The following LIMCH1 variants were observed in gnomAD, a reference collection of about 807,000 sequenced individuals.
LIMCH1 encodes LIM and calponin homology domains-containing protein 1.
In LIMCH1, 113 loss-of-function variants were observed where a neutral mutation model predicts 176.5. The ratio of observed to expected loss-of-function variants is 0.64; its 90% CI spans 0.55 to 0.75. LIMCH1 has a LOEUF of 0.75. Ranked by LOEUF, LIMCH1 falls within the 30% of genes least tolerant of loss-of-function variation. The probability of loss-of-function intolerance (pLI) is 0.00; values close to 1 mark genes in which losing one functional copy is unlikely to be tolerated. For synonymous variants in LIMCH1, 619 were observed against 645.9 expected (o/e 0.96, Z 0.63); for missense variants, 1,674 against 1,814.9 (o/e 0.92, Z 1.41).
intron 1 of LIMCH1, among the ~76,000 whole-genome samples, chr4:41,410,760 G>A (rs983445805): frequency 9.9e-5 from 15 of 152,154 alleles, no homozygotes; most frequent in Admixed American, 1.3e-4. Flanking sequence ...CTACATGCTG[G>A]TTCATTAGCC....
intron 2 of LIMCH1, among the ~76,000 whole-genome samples, chr4:41,602,124 CAAAAAAAAAAA>C (rs540240960): frequency 0.54 from 39,408 of 73,352 alleles, 8,842 homozygotes; most frequent in African/African-American, 0.69. Context: ...TTGAGTAGAC[CAAAAAAAAAAA>C]AAAAAAAAAA....
At chr4:41,425,580 C>T (rs913303416) in intron 1 of LIMCH1, among the ~76,000 whole-genome samples, 6 of 152,198 alleles carry the variant, frequency 3.9e-5, no homozygotes, top group East Asian at 1.9e-4. Context: ...CTCCTGACCT[C>T]GGGTTATCTG....
intron 1 of LIMCH1, among the ~76,000 whole-genome samples, chr4:41,444,313 T>TACACACAC (rs71198657): frequency 7.5e-6 from 1 of 134,180 alleles, no homozygotes; most frequent in East Asian, 2.2e-4. Context: ...TGTATATATA[T>TACACACAC]ACACACACAC....
chr4:41,656,711 A>G (rs1251240809), intron 18 of LIMCH1, among the ~76,000 whole-genome samples: 1 of 152,040 alleles, frequency 6.6e-6, no homozygotes, highest in Admixed American at 6.5e-5. Context: ...AAATAGACTG[A>G]TTTTCCAGGC....
intron 1 of LIMCH1, among the ~76,000 whole-genome samples, chr4:41,402,038 T>A (rs1410253692): frequency 6.6e-6 from 1 of 152,192 alleles, no homozygotes; most frequent in African/African-American, 2.4e-5. Flanking sequence ...TTCCCCTGCC[T>A]AATTGCCCTG....
At chr4:41,365,760 A>G (rs926335933) in intron 1 of LIMCH1, among the ~76,000 whole-genome samples, 2 of 152,246 alleles carry the variant, frequency 1.3e-5, no homozygotes, top group African/African-American at 2.4e-5. Flanking sequence ...AAGAGCAGCT[A>G]TGACACAATG....
intron 1 of LIMCH1, among the ~76,000 whole-genome samples, chr4:41,579,049 ATTT>A (rs11285726): frequency 6.9e-6 from 1 of 144,876 alleles, no homozygotes; most frequent in African/African-American, 2.5e-5. Flanking sequence ...AAAATGTGTG[ATTT>A]TTTTTTTTTT....
At chr4:41,580,371 A>T (rs370080605) in intron 1 of LIMCH1, among the ~76,000 whole-genome samples, 2 of 152,176 alleles carry the variant, frequency 1.3e-5, no homozygotes, top group African/African-American at 4.8e-5. Flanking sequence ...TAATAACAAG[A>T]AGGCAATTTA....
At chr4:41,495,939 C>G (rs2072044009) in intron 2 of LIMCH1, among the ~76,000 whole-genome samples, 2 of 152,168 alleles carry the variant, frequency 1.3e-5, no homozygotes, top group Admixed American at 1.3e-4. Context: ...TCGTGTATCC[C>G]TCACCACCTC....
intron 31 of LIMCH1, chr4:41,693,099 A>C (rs1727559658): frequency 6.6e-6 from 1 of 152,242 alleles, no homozygotes; most frequent in South Asian, 2.1e-4. Flanking sequence ...GAAAATGGCC[A>C]GTGGCTTGCC....
chr4:41,544,850 T>C (rs117141637), intron 1 of LIMCH1, among the ~76,000 whole-genome samples: 1 of 152,362 alleles, frequency 6.6e-6, no homozygotes, highest in East Asian at 1.9e-4. Flanking sequence ...CAAGATTCAC[T>C]GTCATGGGTT....
At chr4:41,361,684 C>T (rs932251296) in intron 1 of LIMCH1, among the ~76,000 whole-genome samples, 1 of 152,216 alleles carries the variant, frequency 6.6e-6, no homozygotes, top group African/African-American at 2.4e-5. Flanking sequence ...ATCACTGGAG[C>T]TCTCGGCTCT....
intron 21 of LIMCH1, among the ~76,000 whole-genome samples, chr4:41,667,732 G>A (rs1391510349): frequency 2.0e-5 from 3 of 152,162 alleles, no homozygotes; most frequent in African/African-American, 7.2e-5. Flanking sequence ...AGGGCCCTGA[G>A]GGATGTGAAC....
intron 1 of LIMCH1, among the ~76,000 whole-genome samples, chr4:41,382,807 T>C (rs2055893117): frequency 6.6e-6 from 1 of 152,222 alleles, no homozygotes; most frequent in African/African-American, 2.4e-5. Context: ...CATTGTTTTT[T>C]TGATACAGAG....
intron 23 of LIMCH1, among the ~76,000 whole-genome samples, chr4:41,678,635 A>G (rs965966818): frequency 9.2e-5 from 14 of 152,052 alleles, no homozygotes; most frequent in African/African-American, 3.4e-4. Flanking sequence ...AGGCCTTTGT[A>G]TTGCTCCTGT....
chr4:41,438,737 G>C (rs1362110144), intron 1 of LIMCH1, among the ~76,000 whole-genome samples: 1 of 150,974 alleles, frequency 6.6e-6, no homozygotes, highest in Non-Finnish European at 1.5e-5. Flanking sequence ...CCAATCCGCT[G>C]TAATACAGGG....
intron 12 of LIMCH1, 25 bp downstream of exon 12, chr4:41,633,110 T>A (rs546621520): frequency 2.0e-6 from 3 of 1,480,524 alleles, no homozygotes; most frequent in Non-Finnish European, 2.7e-6. Context: ...TGCGCTCTGC[T>A]CCGTGGTGTG....
intron 1 of LIMCH1, among the ~76,000 whole-genome samples, chr4:41,361,814 G>T (rs556104726): frequency 1.3e-5 from 2 of 150,924 alleles, no homozygotes; most frequent in South Asian, 4.2e-4. Context: ...TGAAGGGCAT[G>T]AAGGGGAAAG....
chr4:41,416,197 C>T (rs1159643524), intron 1 of LIMCH1, among the ~76,000 whole-genome samples: 3 of 152,272 alleles, frequency 2.0e-5, no homozygotes, highest in South Asian at 4.1e-4. Flanking sequence ...TGATTTGTCT[C>T]CTGCAAATAG....
Sources: allele counts gnomAD v4.1 joint callset (sites outside exome capture counted in the v4.1 genomes callset), GRCh38; gene constraint gnomAD v4.1.1; transcripts MANE v1.5; gene names NCBI Gene and HGNC (gene_info 2026-07-23, HGNC 2026-07-21).